HAS3: variants seen among roughly 807,000 people sequenced by gnomAD.
HAS3 encodes HA synthase 3.
Under a neutral mutation model 50.3 loss-of-function variants are expected in HAS3, and 27 were observed. The ratio of observed to expected loss-of-function variants is 0.54; its 90% CI spans 0.40 to 0.74. HAS3 has a LOEUF of 0.74. Among genes scored for constraint, HAS3 ranks in the 30% least tolerant of loss-of-function variants. HAS3 has a pLI of 0.00. For missense variants in HAS3, 517 were observed against 742.8 expected, an observed-to-expected ratio of 0.70 and a Z score of 3.53; for synonymous variants, 339 against 310.9, an observed-to-expected ratio of 1.09 and a Z score of -0.95.
At chr16:69,117,664 C>T (rs1217863882), downstream of HAS3, 17 of 963,228 alleles carry the variant, frequency 1.8e-5, no homozygotes, top group African/African-American at 2.3e-4. Flanking sequence ...CCGGTTATCT[C>T]GAAACTACTA....
the HAS3 span, chr16:69,083,812 A>G: frequency 1.3e-6 from 1 of 782,104 alleles, no homozygotes; most frequent in African/African-American, 1.7e-5. Context: ...TTGGGTCTTC[A>G]GGGTCCCTTC....
chr16:69,118,570 C>A, downstream of HAS3: 1 of 763,080 alleles, frequency 1.3e-6, no homozygotes, highest in Non-Finnish European at 2.4e-6. Context: ...TAGTAAGAAA[C>A]AATGGGCAGA....
chr16:69,114,204 T>C lies in HAS3; in HGVS notation c.739-139T>C. 7.5e-7 allele frequency: 1 copy of C among 1,329,226 alleles called. No individual in the cohort carries two copies. The highest frequency in any genetic ancestry group is 1.5e-5 in the South Asian group (1 of 68,396). The allele number at this position is 1,329,226 out of a possible 1,614,324, so 82.3% of individuals were successfully genotyped here. A position where few individuals can be genotyped will look rare whatever the true frequency, so the allele number is the denominator to read the frequency against. On this transcript the variant is annotated intron_variant, in intron 3 of 3. Transcript: ENST00000569188. The surrounding 1 kb of genome is among the most constrained non-coding windows in gnomAD (Gnocchi z 6.4). ...TGGTTGGCTCCTCTGAGCCTCAGGT[T>C]TCCCAGCTCCAAAGGAACCGATGGC...
At chr16:69,097,273 A>G in the HAS3 span, among the ~76,000 whole-genome samples, 3 of 151,968 alleles carry the variant, frequency 2.0e-5, no homozygotes, top group African/African-American at 7.3e-5. Context: ...TCAGGAGTTC[A>G]AGACCATCCT....
Position 69,117,371 on chromosome 16 carries a change from A to T in HAS3, c.*2105A>T, listed in dbSNP as rs999165526. 6.1e-6 allele frequency: 6 copies of T among 985,670 alleles called. No individual in the cohort carries two copies. The highest frequency in any genetic ancestry group is 7.2e-6 in the Non-Finnish European group (6 of 829,880). 61.1% of individuals were successfully genotyped at this position (985,670 alleles called of 1,614,324 possible). A position where few individuals can be genotyped will look rare whatever the true frequency, so the allele number is the denominator to read the frequency against. ...AGGCAGGTACAGGTAGTGGGCTCAC[A>T]ACGTTTGACCTCGACTGGTTTTTCT... On this transcript the variant is annotated 3_prime_UTR_variant, in exon 4 of 4. Transcript: ENST00000569188.
rs1961182237 is a variant in HAS3, at chr16:69,116,354, G to C, written c.*1088G>C. 1.0e-6 allele frequency: 1 copy of C among 985,442 alleles called. No homozygotes were observed. Among genetic ancestry groups the C allele is most frequent in the Non-Finnish European group, 1.2e-6 (1 of 829,742 alleles). 61.0% of individuals were successfully genotyped at this position (985,442 alleles called of 1,614,324 possible). A position where few individuals can be genotyped will look rare whatever the true frequency, so the allele number is the denominator to read the frequency against. ...TGTTCTCAGCACATATGGGAACTAT[G>C]AGGAGCCTCTGATCAAATTGGCTAC... is the stretch of plus-strand genomic sequence containing the variant. On this transcript the variant is annotated 3_prime_UTR_variant, in exon 4 of 4. Coordinates refer to ENST00000569188, the MANE Select transcript of HAS3 (RefSeq NM_001199280.2).
Position 69,110,043 on chromosome 16 carries a change from T to C in HAS3, c.636+12T>C. The stretch of plus-strand genomic sequence containing the variant: ...TGGACTACATCCAGGTAAGGGCGCC[T>C]CCCTAGGAGCGTGTGTACATGGGGA... On this transcript the variant is annotated intron_variant, in intron 2 of 3. Transcript: ENST00000569188. The C allele has an allele frequency of 5.7e-6, 9 of 1,592,288 alleles. No individual in the cohort carries two copies. The highest frequency in any genetic ancestry group is 6.9e-6 in the Non-Finnish European group (8 of 1,166,472).
the HAS3 span, among the ~76,000 whole-genome samples, chr16:69,093,915 G>A: frequency 6.6e-6 from 1 of 152,146 alleles, no homozygotes; most frequent in Non-Finnish European, 1.5e-5. Flanking sequence ...ACCATTCCTT[G>A]AGAGAGGAAA....
At chr16:69,104,259 G>GTTTTTT (rs544314357), upstream of HAS3, among the ~76,000 whole-genome samples, 1 of 127,048 alleles carries the variant, frequency 7.9e-6, no homozygotes, top group Non-Finnish European at 1.7e-5. Flanking sequence ...CCTGGCTAAT[G>GTTTTTT]TTTTTTTTTT....
rs935312399 is a variant in HAS3 at position 69,116,415 on chromosome 16, C to T, written c.*1149C>T. The stretch of plus-strand genomic sequence containing the variant: ...CTGCTTGGACGGATTCCTTGGCAGC[C>T]GGGTTAGCATGTGTGACTTTCAGGC... On this transcript the variant is annotated 3_prime_UTR_variant, in exon 4 of 4. Transcript: ENST00000569188. The T allele has an allele frequency of 1.6e-5, 16 of 985,638 alleles. No individual in the cohort carries two copies. The highest frequency in any genetic ancestry group is 5.2e-4 in the Middle Eastern group (1 of 1,936). 61.1% of individuals were successfully genotyped at this position (985,638 alleles called of 1,614,324 possible). A position where few individuals can be genotyped will look rare whatever the true frequency, so the allele number is the denominator to read the frequency against.
intron 1 of HAS3, among the ~76,000 whole-genome samples, chr16:69,108,139 G>A (rs1234188148): frequency 6.6e-6 from 1 of 152,162 alleles, no homozygotes; most frequent in African/African-American, 2.4e-5. Context: ...AGGAGATAGT[G>A]TGGGTCAGAA....
Position 69,109,497 on chromosome 16 carries a change from G to A in HAS3, c.102G>A (p.Gln34=). ...GILAAYVTGY[Q]FIHTEKHYLS... is the part of the protein sequence containing the mutation. ...TGGCAGCCTATGTGACGGGCTACCA[G>A]TTCATCCACACGGAAAAGCACTACC... The change falls in exon 2 of 4, where the codon CAG becomes CAA. Residue 34 remains glutamine (Q), a synonymous_variant. Coordinates refer to ENST00000569188, the MANE Select transcript of HAS3 (RefSeq NM_001199280.2). This position sits in a 1 kb window ranked among gnomAD's most constrained non-coding sequence, Gnocchi z 5.3. 6.2e-7 allele frequency: 1 copy of A among 1,614,022 alleles called. No homozygotes were observed. Among genetic ancestry groups the A allele is most frequent in the Non-Finnish European group, 8.5e-7 (1 of 1,180,034 alleles).
At position 69,114,828 on chromosome 16, in the gene HAS3, C is replaced by T. The variant is rs1248355958; in HGVS notation, c.1224C>T (p.Asn408=). The T allele has an allele frequency of 6.2e-7, 1 of 1,614,154 alleles. No homozygotes were observed. Among genetic ancestry groups the T allele is most frequent in the Admixed American group, 1.7e-5 (1 of 60,018 alleles). ...IQLFYRGRIW[N]ILLFLLTVQL... ...TTTTCTACCGGGGCCGCATCTGGAA[C>T]ATTCTCCTCTTCCTGCTGACGGTGC... The change falls in exon 4 of 4, where the codon AAC becomes AAT. Residue 408 remains asparagine (N), a synonymous_variant. Coordinates refer to ENST00000569188, the MANE Select transcript of HAS3 (RefSeq NM_001199280.2). This position sits in a 1 kb window ranked among gnomAD's most constrained non-coding sequence, Gnocchi z 6.4.
chr16:69,116,951 T>A lies in HAS3; in HGVS notation c.*1685T>A. Reference sequence around the variant, plus strand: ...TCCTACAAAGACGCAAGGTGTGCTCTGAGCCACAGATGGGCAAACCCTGGT... The same window carrying A: ...TCCTACAAAGACGCAAGGTGTGCTCAGAGCCACAGATGGGCAAACCCTGGT... On this transcript the variant is annotated 3_prime_UTR_variant, in exon 4 of 4. Transcript: ENST00000569188. The A allele has an allele frequency of 1.0e-6, 1 of 985,494 alleles. No homozygotes were observed. Among genetic ancestry groups the A allele is most frequent in the Non-Finnish European group, 1.2e-6 (1 of 829,954 alleles). 61.0% of individuals were successfully genotyped at this position (985,494 alleles called of 1,614,324 possible). A position where few individuals can be genotyped will look rare whatever the true frequency, so the allele number is the denominator to read the frequency against.
chr16:69,116,455 A>G lies in HAS3; in HGVS notation c.*1189A>G, dbSNP rs894029064. On this transcript the variant is annotated 3_prime_UTR_variant, in exon 4 of 4. Transcript: ENST00000569188. ...GACTTTCAGGCTACTGTTCTTGACA[A>G]TCATCTCCAATGGAAAGCTTTTCAG... 2.3e-5 allele frequency: 23 copies of G among 985,772 alleles called. No individual in the cohort carries two copies. Among genetic ancestry groups the G allele is most frequent in the East Asian group, 1.1e-4 (1 of 8,836 alleles). 61.1% of individuals were successfully genotyped at this position (985,772 alleles called of 1,614,324 possible). A position where few individuals can be genotyped will look rare whatever the true frequency, so the allele number is the denominator to read the frequency against.
chr16:69,087,682 G>A, the HAS3 span, among the ~76,000 whole-genome samples: 1 of 144,468 alleles, frequency 6.9e-6, no homozygotes, highest in South Asian at 2.2e-4. Flanking sequence ...ACAGGCATGA[G>A]CCACCGCACC....
At chr16:69,091,763 A>T in the HAS3 span, among the ~76,000 whole-genome samples, 1 of 152,226 alleles carries the variant, frequency 6.6e-6, no homozygotes, top group Non-Finnish European at 1.5e-5. Flanking sequence ...ATACATAGTC[A>T]TCCGGGAGAG....
At chr16:69,102,997 GTGTGCA>G (rs927145966), upstream of HAS3, among the ~76,000 whole-genome samples, 2 of 142,802 alleles carry the variant, frequency 1.4e-5, no homozygotes, top group Admixed American at 7.1e-5. Context: ...GGCCTGTGGA[GTGTGCA>G]TGTGTGTGTG....
the HAS3 span, among the ~76,000 whole-genome samples, chr16:69,100,379 G>T: frequency 6.6e-6 from 1 of 152,100 alleles, no homozygotes; most frequent in African/African-American, 2.4e-5. Context: ...TTTTCAGTTC[G>T]CCCTCCTTAG....
Sources: gnomAD v4.1 joint callset for allele counts (sites outside exome capture counted in the v4.1 genomes callset) on GRCh38, gnomAD v4.1.1 for gene constraint, Gnocchi (gnomAD v3.1) non-coding constraint, MANE v1.5 for transcripts, NCBI Gene and HGNC (gene_info 2026-07-23, HGNC 2026-07-21) for gene names.